Variants in KCNQ3 observed in about 807,000 individuals in gnomAD.
KCNQ3 encodes potassium voltage-gated channel subfamily KQT member 3.
A neutral mutation model predicts 92.5 loss-of-function variants in KCNQ3; 30 were observed. That is an observed-to-expected ratio of 0.32 (90% CI 0.24 to 0.44). The LOEUF is 0.44. KCNQ3 is among the 20% of genes least tolerant of loss of function. KCNQ3 has a pLI of 1.00. For missense variants in KCNQ3, 913 were observed against 1,140.3 expected, an observed-to-expected ratio of 0.80 and a Z score of 2.87; for synonymous variants, 450 against 468.8, an observed-to-expected ratio of 0.96 and a Z score of 0.52.
intron 1 of KCNQ3, among the ~76,000 whole-genome samples, chr8:132,287,506 G>T (rs1231071944): frequency 6.6e-6 from 1 of 152,162 alleles, no homozygotes; most frequent in Admixed American, 6.5e-5. Context: ...GCCAAAAGTT[G>T]AAAACAACCC....
intron 1 of KCNQ3, among the ~76,000 whole-genome samples, chr8:132,290,015 A>G (rs546549105): frequency 1.3e-5 from 2 of 152,320 alleles, no homozygotes; most frequent in South Asian, 4.1e-4. Context: ...CCACATCTGT[A>G]GAAAAATGGT....
chr8:132,463,456 C>T (rs1310185331), intron 1 of KCNQ3, among the ~76,000 whole-genome samples: 3 of 152,180 alleles, frequency 2.0e-5, no homozygotes, highest in Non-Finnish European at 1.5e-5. Context: ...GAAAGAAATC[C>T]GCTAGTTTCT....
intron 1 of KCNQ3, among the ~76,000 whole-genome samples, chr8:132,453,254 G>A (rs1219688580): frequency 3.3e-5 from 5 of 152,148 alleles, no homozygotes; most frequent in African/African-American, 4.8e-5. Flanking sequence ...TGAAGACGGC[G>A]GGTACTAGTC....
intron 13 of KCNQ3, among the ~76,000 whole-genome samples, chr8:132,132,832 T>C (rs1318423016): frequency 6.6e-6 from 1 of 152,248 alleles, no homozygotes; most frequent in East Asian, 1.9e-4. Flanking sequence ...ACTGTTAATA[T>C]CTGCTTAATT....
At chr8:132,381,876 A>C (rs1819761040) in intron 1 of KCNQ3, among the ~76,000 whole-genome samples, 1 of 152,212 alleles carries the variant, frequency 6.6e-6, no homozygotes, top group Non-Finnish European at 1.5e-5. Context: ...TCTCAGGTCA[A>C]ACTGAGCCTC....
intron 1 of KCNQ3, among the ~76,000 whole-genome samples, chr8:132,388,934 C>T (rs1188580265): frequency 6.6e-6 from 1 of 152,136 alleles, no homozygotes; most frequent in Non-Finnish European, 1.5e-5. Context: ...CCGACACATA[C>T]ATGGATAAAG....
chr8:132,254,367 C>A (rs1815511447), intron 1 of KCNQ3, among the ~76,000 whole-genome samples: 1 of 152,172 alleles, frequency 6.6e-6, no homozygotes, highest in South Asian at 2.1e-4. Context: ...ATACTGCTTG[C>A]ATAGACAAAT....
At chr8:132,278,245 A>G in intron 1 of KCNQ3, 1 of 982,060 alleles carries the variant, frequency 1.0e-6, no homozygotes, top group Non-Finnish European at 1.2e-6. Context: ...GTAGAGGCAT[A>G]AATCTCAATA....
intron 1 of KCNQ3, chr8:132,447,359 A>T (rs1821710567): frequency 1.1e-6 from 1 of 906,186 alleles, no homozygotes; most frequent in African/African-American, 1.6e-5. Flanking sequence ...CAGACAGTAA[A>T]GGTTTCTAGG....
At chr8:132,269,199 G>A (rs967161640) in intron 1 of KCNQ3, among the ~76,000 whole-genome samples, 1 of 152,156 alleles carries the variant, frequency 6.6e-6, no homozygotes, top group African/African-American at 2.4e-5. Flanking sequence ...TCTCAGAGAA[G>A]AAATGTTTCA....
At chr8:132,334,304 C>T (rs890011502) in intron 1 of KCNQ3, among the ~76,000 whole-genome samples, 1 of 151,806 alleles carries the variant, frequency 6.6e-6, no homozygotes, top group African/African-American at 2.4e-5. Context: ...GAAACCTTGT[C>T]TCTACTAAAA....
At chr8:132,180,370 G>T in intron 3 of KCNQ3, 41 bp from the exon 4 acceptor site, 1 of 1,608,912 alleles carries the variant, frequency 6.2e-7, no homozygotes, top group Non-Finnish European at 8.5e-7. Flanking sequence ...AAGAGGGAAA[G>T]GAAGGTCATG....
At chr8:132,350,269 G>GT (rs149654269) in intron 1 of KCNQ3, among the ~76,000 whole-genome samples, 2,480 of 152,200 alleles carry the variant, frequency 0.016, 57 homozygotes, top group African/African-American at 0.056. Flanking sequence ...AAATGTCCGG[G>GT]TTTCAGATTC....
intron 3 of KCNQ3, 51 bp downstream of exon 3, chr8:132,184,190 C>A (rs779054576): frequency 6.2e-7 from 1 of 1,611,912 alleles, no homozygotes; most frequent in Non-Finnish European, 8.5e-7. Flanking sequence ...AGAAACAATG[C>A]CCCAAAAGAA....
chr8:132,423,812 G>A (rs567889539), intron 1 of KCNQ3, among the ~76,000 whole-genome samples: 13 of 152,176 alleles, frequency 8.5e-5, no homozygotes, highest in South Asian at 8.3e-4. Flanking sequence ...AGCCTCACCC[G>A]GATGGCCCCA....
At chr8:132,179,062 A>G (rs956948683) in intron 4 of KCNQ3, among the ~76,000 whole-genome samples, 3 of 149,508 alleles carry the variant, frequency 2.0e-5, no homozygotes, top group African/African-American at 7.4e-5. Context: ...AAGAACATCC[A>G]TCCCAGGGAT....
Position 132,122,951 on chromosome 8 carries a change from C to A in KCNQ3, c.*6311G>T, listed in dbSNP as rs1824533753. 1 of 152,122 alleles carries A rather than the reference C, an allele frequency of 6.6e-6. No individual in the cohort carries two copies. Among genetic ancestry groups the A allele is most frequent in the Admixed American group, 6.5e-5 (1 of 15,268 alleles). 9.4% of individuals were successfully genotyped at this position (152,122 alleles called of 1,614,324 possible). The stretch of plus-strand genomic sequence containing the variant: ...TTCTTTGTAGCTTTTGGTGAAGGCC[C>A]TAGAGTATCTGCTTATGTCCTGACA... On this transcript the variant is annotated 3_prime_UTR_variant, in exon 15 of 15. Transcript: ENST00000388996.
At chr8:132,468,758 G>T (rs1444102017) in intron 1 of KCNQ3, among the ~76,000 whole-genome samples, 1 of 152,202 alleles carries the variant, frequency 6.6e-6, no homozygotes, top group East Asian at 1.9e-4. Flanking sequence ...GGAGAGGAGA[G>T]GAGGTTCCCA....
Position 132,242,603 on chromosome 8 carries a change from G to A in KCNQ3, c.387-56422C>T, listed in dbSNP as rs139718619. Among the ~76,000 whole-genome samples the A allele has an allele frequency of 8.0e-4, 122 of 152,190 alleles. 1 individual carries two copies. Among genetic ancestry groups the A allele is most frequent in the African/African-American group, 2.9e-3 (120 of 41,524 alleles). ...CTCTTTCTGGACTATGTAAGTGATA[G>A]GAACCTAAATTCATAGATACACTAA... On this transcript the variant is annotated intron_variant, in intron 1 of 14. Coordinates refer to ENST00000388996, the MANE Select transcript of KCNQ3 (RefSeq NM_004519.4).
Sources: allele counts gnomAD v4.1 joint callset (sites outside exome capture counted in the v4.1 genomes callset), GRCh38; gene constraint gnomAD v4.1.1; transcripts MANE v1.5; gene names NCBI Gene and HGNC (gene_info 2026-07-23, HGNC 2026-07-21).